The following FMNL2 variants were observed in gnomAD, a reference collection of about 807,000 sequenced individuals.
FMNL2 encodes formin-like protein 2.
Under a neutral mutation model 130.2 loss-of-function variants are expected in FMNL2, and 51 were observed. The observed-to-expected ratio is 0.39, with a 90% CI of 0.31 to 0.49. FMNL2 has a LOEUF of 0.49. Among genes scored for constraint, FMNL2 ranks in the 20% least tolerant of loss-of-function variants. The pLI is 0.85. For missense variants in FMNL2, 977 were observed against 1,316.2 expected, an observed-to-expected ratio of 0.74 and a Z score of 3.99; for synonymous variants, 465 against 467.1, an observed-to-expected ratio of 1.00 and a Z score of 0.06.
In FMNL2 at chr2:152,648,104, G is replaced by A; in HGVS notation, c.*199G>A. On this transcript the variant is annotated 3_prime_UTR_variant, in exon 26 of 26. Coordinates refer to ENST00000288670, the MANE Select transcript of FMNL2 (RefSeq NM_052905.4). ...CAAGTGCCTAAAAATGGAAGTACCTGTTCAGATTAATCAAAGCAATAGGAT... is the reference window on the plus strand; with the variant it reads ...CAAGTGCCTAAAAATGGAAGTACCTATTCAGATTAATCAAAGCAATAGGAT... The A allele has an allele frequency of 1.8e-6, 1 of 541,334 alleles. No homozygotes were observed. The highest frequency in any genetic ancestry group is 3.2e-6 in the Non-Finnish European group (1 of 308,134). The allele number at this position is 541,334 out of a possible 1,614,324, so 33.5% of individuals were successfully genotyped here. A position where few individuals can be genotyped will look rare whatever the true frequency, so the allele number is the denominator to read the frequency against.
At chr2:152,590,979 A>C (rs996607433) in intron 9 of FMNL2, among the ~76,000 whole-genome samples, 5 of 87,974 alleles carry the variant, frequency 5.7e-5, no homozygotes, top group East Asian at 3.6e-4. Flanking sequence ...CCCTCTGATA[A>C]CTTTTTTTTT....
intron 1 of FMNL2, among the ~76,000 whole-genome samples, chr2:152,370,163 A>G (rs535371773): frequency 6.6e-6 from 1 of 152,100 alleles, no homozygotes; most frequent in Non-Finnish European, 1.5e-5. Flanking sequence ...TTGAACAACA[A>G]ACTTTGATTT....
At chr2:152,631,261 C>T (rs1453773469) in intron 20 of FMNL2, among the ~76,000 whole-genome samples, 3 of 151,810 alleles carry the variant, frequency 2.0e-5, no homozygotes, top group East Asian at 3.9e-4. Context: ...TTTTGGGTCA[C>T]AGGCACCTGT....
chr2:152,619,612 T>G lies in FMNL2; in HGVS notation c.1731T>G (p.Pro577=). 4 of 1,319,388 alleles carry G rather than the reference T, an allele frequency of 3.0e-6. No homozygotes were observed. Among genetic ancestry groups the G allele is most frequent in the Non-Finnish European group, 4.0e-6 (4 of 1,006,942 alleles). The allele number at this position is 1,319,388 out of a possible 1,614,324, so 81.7% of individuals were successfully genotyped here. ...PPPPPPPLPG[P]AAETVPAPPL... The stretch of plus-strand genomic sequence containing the variant: ...CTCCGCCTCCTCCTCTCCCAGGCCC[T>G]GCAGCTGAGACTGTACCAGCTCCTC... The change falls in exon 15 of 26, where the codon CCT becomes CCG. Residue 577 remains proline, a synonymous_variant. Transcript: ENST00000288670.
In FMNL2 at chr2:152,390,339, C is replaced by T. The variant is rs925563714; in HGVS notation, c.117+54619C>T. On this transcript the variant is annotated intron_variant, in intron 1 of 25. Transcript: ENST00000288670. ...AGTGAAGGTAGGGGAGAGCTCGTGG[C>T]TCATTGAGGATGGCAAGGTGGTGAC... The T allele has an allele frequency of 3.4e-6, 4 of 1,164,796 alleles. No homozygotes were observed. In the African/African-American group the frequency reaches 6.0e-5, roughly 18 times the overall value. The allele number at this position is 1,164,796 out of a possible 1,614,324, so 72.2% of individuals were successfully genotyped here.
At chr2:152,388,368 T>C (rs1192721602) in intron 1 of FMNL2, among the ~76,000 whole-genome samples, 9 of 152,132 alleles carry the variant, frequency 5.9e-5, no homozygotes. Flanking sequence ...TTTACAATCA[T>C]GGTGGAAGGG....
Position 152,390,311 on chromosome 2 carries a change from C to T in FMNL2, c.117+54591C>T, listed in dbSNP as rs188860865. 5.2e-4 allele frequency: 650 copies of T among 1,261,982 alleles called. 1 individual carries two copies. The highest frequency in any genetic ancestry group is 2.6e-3 in the African/African-American group (178 of 68,140). 78.2% of individuals were successfully genotyped at this position (1,261,982 alleles called of 1,614,324 possible). A position where few individuals can be genotyped will look rare whatever the true frequency, so the allele number is the denominator to read the frequency against. ...CAATCATCGATGGGGAGCTCTACAA[C>T]GAAGTGAAGGTAGGGGAGAGCTCGT... On this transcript the variant is annotated intron_variant, in intron 1 of 25. Transcript: ENST00000288670.
At chr2:152,608,936 C>T (rs557922634) in intron 10 of FMNL2, among the ~76,000 whole-genome samples, 1 of 150,908 alleles carries the variant, frequency 6.6e-6, no homozygotes, top group Non-Finnish European at 1.5e-5. Flanking sequence ...ACACTAGGCC[C>T]CTGTTCCTGC....
At chr2:152,336,251 T>G (rs1681438979) in intron 1 of FMNL2, among the ~76,000 whole-genome samples, 1 of 151,922 alleles carries the variant, frequency 6.6e-6, no homozygotes, top group Non-Finnish European at 1.5e-5. Flanking sequence ...CTTGGAGGGC[T>G]CACGTCGCGG....
At position 152,614,541 on chromosome 2, in the gene FMNL2, G is replaced by A. The variant is rs181006577; in HGVS notation, c.1063-310G>A. On this transcript the variant is annotated intron_variant, in intron 11 of 25. Transcript: ENST00000288670. ...GGGTGGATCACGAGGTCAGGAGATCGAGACCATCCTGGCCAACAGGGTGAA... is the reference window on the plus strand; with the variant it reads ...GGGTGGATCACGAGGTCAGGAGATCAAGACCATCCTGGCCAACAGGGTGAA... 4.6e-5 allele frequency among the ~76,000 whole-genome samples: 7 copies of A among 152,208 alleles called. No individual in the cohort carries two copies. The South Asian group carries it at 6.2e-4, about 14-fold the overall frequency.
At chr2:152,436,972 T>C (rs903628527) in intron 1 of FMNL2, among the ~76,000 whole-genome samples, 3 of 152,182 alleles carry the variant, frequency 2.0e-5, no homozygotes, top group Admixed American at 2.0e-4. Context: ...CTCACAGTCC[T>C]GGAGAGTAGA....
intron 9 of FMNL2, among the ~76,000 whole-genome samples, chr2:152,584,718 T>A (rs909405308): frequency 4.6e-5 from 7 of 152,256 alleles, no homozygotes; most frequent in Non-Finnish European, 8.8e-5. Context: ...TTAGTTCAGA[T>A]GTAAATTAAA....
At chr2:152,567,035 G>C (rs972859286) in intron 6 of FMNL2, among the ~76,000 whole-genome samples, 2 of 152,186 alleles carry the variant, frequency 1.3e-5, no homozygotes, top group East Asian at 3.9e-4. Context: ...CTGTGAAATT[G>C]TCACTGCAGC....
intron 1 of FMNL2, among the ~76,000 whole-genome samples, chr2:152,477,872 A>G (rs990067851): frequency 2.0e-5 from 3 of 152,148 alleles, no homozygotes; most frequent in African/African-American, 7.2e-5. Context: ...CTATAGACAC[A>G]TGAACATAGC....
intron 4 of FMNL2, 55 bp from the exon 5 acceptor site, chr2:152,558,685 T>C: frequency 2.0e-6 from 3 of 1,499,558 alleles, no homozygotes; most frequent in East Asian, 2.3e-5. Context: ...GTCCGTTCCA[T>C]GGCAGGTCAT....
chr2:152,402,516 T>C (rs1049553070), intron 1 of FMNL2, among the ~76,000 whole-genome samples: 2 of 152,252 alleles, frequency 1.3e-5, no homozygotes, highest in South Asian at 2.1e-4. Flanking sequence ...GAATTCTGCC[T>C]TGAAGATCTT....
intron 3 of FMNL2, among the ~76,000 whole-genome samples, chr2:152,547,625 C>T (rs768176040): frequency 1.1e-4 from 17 of 152,184 alleles, no homozygotes; most frequent in Non-Finnish European, 2.1e-4. Context: ...TTCAGGCCTT[C>T]ATGGGCCACC....
At chr2:152,571,925 G>A (rs1022285787) in intron 6 of FMNL2, among the ~76,000 whole-genome samples, 4 of 151,762 alleles carry the variant, frequency 2.6e-5, no homozygotes, top group African/African-American at 9.7e-5. Context: ...GTGAATCGGT[G>A]TGACATTTAT....
intron 1 of FMNL2, among the ~76,000 whole-genome samples, chr2:152,469,483 C>T (rs148436604): frequency 3.2e-4 from 49 of 152,312 alleles, no homozygotes; most frequent in Middle Eastern, 3.4e-3. Flanking sequence ...TTTGCACCCA[C>T]AGCTGCACCC....
Sources: gnomAD v4.1 joint callset for allele counts (sites outside exome capture counted in the v4.1 genomes callset) on GRCh38, gnomAD v4.1.1 for gene constraint, MANE v1.5 for transcripts, NCBI Gene and HGNC (gene_info 2026-07-23, HGNC 2026-07-21) for gene names.